Variants in DNM3 observed in about 807,000 individuals in gnomAD.
The protein encoded by DNM3 is dynamin-3.
DNM3 carries 47 observed loss-of-function variants against 101.6 expected under a neutral mutation model. That is an observed-to-expected ratio of 0.46 (90% CI 0.37 to 0.59). The LOEUF (loss-of-function observed/expected upper bound fraction) is 0.59. Ranked by LOEUF, DNM3 falls within the 20% of genes least tolerant of loss-of-function variation. The pLI is 0.00. For missense variants in DNM3, 849 were observed against 1,085.7 expected (o/e 0.78, Z 3.06); for synonymous variants, 385 against 387.9 (o/e 0.99, Z 0.09).
At chr1:172,011,652 CAG>C (rs1433359976) in intron 4 of DNM3, among the ~76,000 whole-genome samples, 1 of 152,006 alleles carries the variant, frequency 6.6e-6, no homozygotes, top group Non-Finnish European at 1.5e-5. Context: ...TATTCAGAAA[CAG>C]AGATTTCCAA....
chr1:171,902,479 G>A (rs905283655), intron 1 of DNM3, among the ~76,000 whole-genome samples: 1 of 152,178 alleles, frequency 6.6e-6, no homozygotes, highest in Non-Finnish European at 1.5e-5. Context: ...ATAATCAAGA[G>A]TCTGAAATCT....
chr1:171,954,708 T>C (rs1453522705), intron 2 of DNM3, among the ~76,000 whole-genome samples: 4 of 152,182 alleles, frequency 2.6e-5, no homozygotes, highest in African/African-American at 7.2e-5. Flanking sequence ...GTAACAAGTC[T>C]AGAAAATTCT....
At chr1:172,334,273 T>C (rs985013683) in intron 17 of DNM3, among the ~76,000 whole-genome samples, 4 of 152,206 alleles carry the variant, frequency 2.6e-5, no homozygotes, top group Non-Finnish European at 5.9e-5. Context: ...AGACTGTCTA[T>C]ATATTGTTTC....
At chr1:172,231,924 C>A (rs1456525403) in intron 14 of DNM3, among the ~76,000 whole-genome samples, 1 of 152,100 alleles carries the variant, frequency 6.6e-6, no homozygotes, top group Non-Finnish European at 1.5e-5. Flanking sequence ...ACAAAGCCTC[C>A]AAGAAATATG....
chr1:172,265,145 A>C (rs1270988617), intron 15 of DNM3, among the ~76,000 whole-genome samples: 2 of 152,068 alleles, frequency 1.3e-5, no homozygotes, highest in African/African-American at 4.8e-5. Flanking sequence ...TATTCCTAAG[A>C]GCTCATTCAG....
intron 14 of DNM3, among the ~76,000 whole-genome samples, chr1:172,243,815 A>G (rs2061837635): frequency 6.6e-6 from 1 of 152,236 alleles, no homozygotes. Context: ...AAAAAGATGC[A>G]TAGTTTATAC....
chr1:171,948,062 C>A (rs1446971365), intron 2 of DNM3, among the ~76,000 whole-genome samples: 1 of 152,206 alleles, frequency 6.6e-6, no homozygotes, highest in Admixed American at 6.5e-5. Flanking sequence ...GGGTTAGCAC[C>A]TAATGGTAAT....
At chr1:171,914,227 G>A (rs1432299933) in intron 1 of DNM3, among the ~76,000 whole-genome samples, 2 of 151,880 alleles carry the variant, frequency 1.3e-5, no homozygotes, top group South Asian at 2.1e-4. Flanking sequence ...ATGCGATCGC[G>A]GCTCACCGCA....
intron 1 of DNM3, among the ~76,000 whole-genome samples, chr1:171,904,046 A>G (rs927333815): frequency 1.3e-5 from 2 of 151,968 alleles, no homozygotes; most frequent in Admixed American, 1.3e-4. Context: ...AGTGGCTCAC[A>G]GCTGTAATCT....
At chr1:172,107,189 G>A (rs970460720) in intron 13 of DNM3, among the ~76,000 whole-genome samples, 23 of 152,008 alleles carry the variant, frequency 1.5e-4, no homozygotes, top group Non-Finnish European at 2.5e-4. Flanking sequence ...AAAAAATAAT[G>A]AATATGCACT....
intron 14 of DNM3, among the ~76,000 whole-genome samples, chr1:172,132,181 A>C (rs2056975088): frequency 6.6e-6 from 1 of 152,166 alleles, no homozygotes; most frequent in Admixed American, 6.6e-5. Flanking sequence ...TTCAAAGTTA[A>C]AAGTTTTTCC....
intron 13 of DNM3, among the ~76,000 whole-genome samples, chr1:172,120,640 C>T (rs2056247435): frequency 6.6e-6 from 1 of 152,194 alleles, no homozygotes; most frequent in Non-Finnish European, 1.5e-5. Flanking sequence ...CCCACTCCTG[C>T]CCCACACATC....
intron 7 of DNM3, among the ~76,000 whole-genome samples, chr1:172,040,843 A>T (rs1024600453): frequency 6.6e-6 from 1 of 152,154 alleles, no homozygotes; most frequent in African/African-American, 2.4e-5. Context: ...TGTTCTGAGC[A>T]GAAAGAAAAG....
At chr1:171,985,200 G>A (rs774759661) in intron 2 of DNM3, among the ~76,000 whole-genome samples, 17 of 152,030 alleles carry the variant, frequency 1.1e-4, no homozygotes, top group Non-Finnish European at 2.4e-4. Flanking sequence ...GTCTTGAAGG[G>A]TGCATTTTCC....
At chr1:172,264,719 C>T (rs747502516) in intron 15 of DNM3, among the ~76,000 whole-genome samples, 9 of 152,098 alleles carry the variant, frequency 5.9e-5, no homozygotes, top group Non-Finnish European at 1.3e-4. Context: ...CATGGCTTTC[C>T]GGGGGTTTCC....
downstream of DNM3, among the ~76,000 whole-genome samples, chr1:172,414,771 GTTGT>G (rs2071369283): frequency 1.2e-5 from 1 of 82,464 alleles, no homozygotes; most frequent in Non-Finnish European, 2.4e-5. Flanking sequence ...AAAAAAAAAA[GTTGT>G]TTGTTTTAAT....
chr1:172,302,022 C>T (rs72721197), intron 15 of DNM3, among the ~76,000 whole-genome samples: 27,293 of 152,104 alleles, frequency 0.18, 2,632 homozygotes, highest in East Asian at 0.24. Context: ...TATCTCACTG[C>T]GACCAGTTGG....
intron 4 of DNM3, among the ~76,000 whole-genome samples, chr1:172,023,863 T>C (rs1218044499): frequency 2.0e-5 from 3 of 150,858 alleles, no homozygotes; most frequent in Non-Finnish European, 4.4e-5. Context: ...TTTTTTTCCT[T>C]GTTTACTTCT....
chr1:172,013,884 C>A (rs2047282000), intron 4 of DNM3, among the ~76,000 whole-genome samples: 1 of 152,044 alleles, frequency 6.6e-6, no homozygotes, highest in African/African-American at 2.4e-5. Context: ...TTATGTACCA[C>A]ATACTTTACA....
Sources: gnomAD v4.1 joint callset for allele counts (sites outside exome capture counted in the v4.1 genomes callset) on GRCh38, gnomAD v4.1.1 for gene constraint, MANE v1.5 for transcripts, NCBI Gene and HGNC (gene_info 2026-07-23, HGNC 2026-07-21) for gene names.